UGT8: variants seen among roughly 807,000 people sequenced by gnomAD.
UGT8 encodes 2-hydroxyacylsphingosine 1-beta-galactosyltransferase.
UGT8 carries 12 observed loss-of-function variants against 40.5 expected under a neutral mutation model. The observed-to-expected ratio is 0.30, with a 90% CI of 0.19 to 0.48. UGT8 has a LOEUF of 0.48. UGT8 is among the 20% of genes least tolerant of loss of function. The probability of loss-of-function intolerance (pLI) is 0.99; values close to 1 mark genes in which losing one functional copy is unlikely to be tolerated. For synonymous variants in UGT8, 224 were observed against 240.4 expected (o/e 0.93, Z 0.63); for missense variants, 513 against 648.7 (o/e 0.79, Z 2.27).
intron 2 of UGT8, among the ~76,000 whole-genome samples, chr4:114,645,076 A>T (rs1733483975): frequency 6.6e-6 from 1 of 152,172 alleles, no homozygotes; most frequent in Admixed American, 6.5e-5. Flanking sequence ...AGGTTTGGAA[A>T]ATATAAGGAA....
intron 5 of UGT8, among the ~76,000 whole-genome samples, chr4:114,670,893 C>T (rs533761981): frequency 1.3e-5 from 2 of 152,154 alleles, no homozygotes; most frequent in Non-Finnish European, 2.9e-5. Flanking sequence ...TTGCAGATGA[C>T]ATGGTTTTAT....
At chr4:114,656,561 T>C (rs980741509) in intron 2 of UGT8, among the ~76,000 whole-genome samples, 3 of 152,290 alleles carry the variant, frequency 2.0e-5, no homozygotes, top group African/African-American at 7.2e-5. Flanking sequence ...GAAATAAGTA[T>C]TGAGCACCTA....
upstream of UGT8, chr4:114,598,503 C>T (rs1232343215): frequency 2.0e-5 from 3 of 152,262 alleles, no homozygotes; most frequent in Admixed American, 1.3e-4. Context: ...ACGCGCTGCC[C>T]CTTGCCCAGC....
intron 1 of UGT8, among the ~76,000 whole-genome samples, chr4:114,601,160 A>G (rs1730420403): frequency 6.6e-6 from 1 of 152,214 alleles, no homozygotes; most frequent in South Asian, 2.1e-4. Context: ...GCGTCTTAGA[A>G]TAAATAAACC....
chr4:114,645,774 T>C (rs1733531190), intron 2 of UGT8, among the ~76,000 whole-genome samples: 1 of 152,178 alleles, frequency 6.6e-6, no homozygotes, highest in Non-Finnish European at 1.5e-5. Flanking sequence ...TGCCTTGATA[T>C]GATACACATG....
At chr4:114,630,402 C>A (rs1215541885) in intron 2 of UGT8, among the ~76,000 whole-genome samples, 1 of 152,208 alleles carries the variant, frequency 6.6e-6, no homozygotes, top group Non-Finnish European at 1.5e-5. Context: ...AGAGCCACGA[C>A]AATACCTGGT....
intron 2 of UGT8, among the ~76,000 whole-genome samples, chr4:114,653,475 TTC>T: frequency 6.6e-6 from 1 of 152,240 alleles, no homozygotes. Flanking sequence ...CTTACTGTCT[TTC>T]TCTATATAGA....
At chr4:114,635,041 T>C (rs371900792) in intron 2 of UGT8, among the ~76,000 whole-genome samples, 3 of 151,982 alleles carry the variant, frequency 2.0e-5, no homozygotes, top group Non-Finnish European at 2.9e-5. Context: ...TTTTTTTTTT[T>C]AGTAAACCAT....
intron 1 of UGT8, among the ~76,000 whole-genome samples, chr4:114,604,336 AT>A (rs1233778742): frequency 6.6e-6 from 1 of 152,172 alleles, no homozygotes; most frequent in East Asian, 1.9e-4. Context: ...ACAAAATGTA[AT>A]TTAATATTTG....
intron 2 of UGT8, among the ~76,000 whole-genome samples, chr4:114,647,223 GATCTATAGT>G (rs1392409852): frequency 2.1e-4 from 32 of 152,042 alleles, no homozygotes; most frequent in African/African-American, 6.8e-4. Context: ...CCTTCCTGAG[GATCTATAGT>G]AATAATTTGT....
rs571381848 is a variant in UGT8, at chr4:114,676,861, GAAAAA to G, written c.*581_*585del. On this transcript the variant is annotated 3_prime_UTR_variant, in exon 6 of 6. Transcript: ENST00000310836. ...CCCCCCAAAACTGGATGCAGAGGAA[GAAAAA>G]AAAAAAAGAAATGGCACAGTTTTTT... 2 of 133,488 alleles carry G rather than the reference GAAAAA, an allele frequency of 1.5e-5. No homozygotes were observed. The highest frequency in any genetic ancestry group is 3.2e-5 in the Non-Finnish European group (2 of 61,610). The allele number at this position is 133,488 out of a possible 1,614,324, so 8.3% of individuals were successfully genotyped here.
chr4:114,674,932 TTTAGA>T (rs930507184), intron 5 of UGT8, among the ~76,000 whole-genome samples: 2 of 152,216 alleles, frequency 1.3e-5, no homozygotes, highest in Non-Finnish European at 2.9e-5. Flanking sequence ...GTCACATGTT[TTTAGA>T]TTAAAATAAA....
At chr4:114,657,132 T>G (rs1016014736) in intron 2 of UGT8, among the ~76,000 whole-genome samples, 1 of 152,112 alleles carries the variant, frequency 6.6e-6, no homozygotes, top group African/African-American at 2.4e-5. Context: ...TGTCCTTTTT[T>G]TCTATCTCGT....
intron 5 of UGT8, among the ~76,000 whole-genome samples, chr4:114,670,202 C>T (rs988543837): frequency 2.6e-5 from 4 of 151,568 alleles, no homozygotes; most frequent in South Asian, 2.1e-4. Flanking sequence ...CAGCATGAGG[C>T]GGGTGGATCA....
At chr4:114,613,266 CA>C (rs1731198406) in intron 1 of UGT8, among the ~76,000 whole-genome samples, 1 of 151,952 alleles carries the variant, frequency 6.6e-6, no homozygotes, top group Non-Finnish European at 1.5e-5. Flanking sequence ...CATACATGTC[CA>C]AAAAACCTCA....
intron 1 of UGT8, among the ~76,000 whole-genome samples, chr4:114,615,539 T>A (rs559714637): frequency 6.6e-6 from 1 of 152,292 alleles, no homozygotes; most frequent in Non-Finnish European, 1.5e-5. Flanking sequence ...CTTAGTTGCT[T>A]CACACACAAT....
In UGT8 at chr4:114,676,621, TTAA is replaced by T. The variant is rs1394773251; in HGVS notation, c.*338_*340del. 5.1e-5 allele frequency: 12 copies of T among 233,704 alleles called. No homozygotes were observed. The highest frequency in any genetic ancestry group is 1.8e-4 in the African/African-American group (8 of 43,348). The allele number at this position is 233,704 out of a possible 1,614,324, so 14.5% of individuals were successfully genotyped here. A position where few individuals can be genotyped will look rare whatever the true frequency, so the allele number is the denominator to read the frequency against. On this transcript the variant is annotated 3_prime_UTR_variant, in exon 6 of 6. Transcript: ENST00000310836. Reference sequence around the variant, plus strand: ...CGGATCAGGAATGGTTTCATTTTTCTTAATAATGTGTGTGTGTGTATGTGTGTG... The same window carrying T: ...CGGATCAGGAATGGTTTCATTTTTCTTAATGTGTGTGTGTGTATGTGTGTG...
chr4:114,623,779 G>A, intron 2 of UGT8, 77 bp downstream of exon 2: 1 of 1,461,412 alleles, frequency 6.8e-7, no homozygotes, highest in Non-Finnish European at 9.0e-7. Context: ...GATATGATTT[G>A]TTATTTATAT....
intron 2 of UGT8, among the ~76,000 whole-genome samples, chr4:114,649,055 A>T (rs147372064): frequency 5.9e-5 from 9 of 152,320 alleles, no homozygotes; most frequent in Admixed American, 2.0e-4. Flanking sequence ...CTAACGCAAT[A>T]TGATTTTAGC....
Sources: gnomAD v4.1 joint callset for allele counts (sites outside exome capture counted in the v4.1 genomes callset) on GRCh38, gnomAD v4.1.1 for gene constraint, MANE v1.5 for transcripts, NCBI Gene and HGNC (gene_info 2026-07-23, HGNC 2026-07-21) for gene names.